Variants in TAF1B observed in about 807,000 individuals in gnomAD.
TAF1B encodes TATA-box binding protein associated factor, RNA polymerase I subunit B.
In TAF1B, 61 loss-of-function variants were observed where a neutral mutation model predicts 83.9. That is an observed-to-expected ratio of 0.73 (90% CI 0.59 to 0.90). TAF1B has a LOEUF of 0.90. Ranked by LOEUF, TAF1B falls within the 40% of genes least tolerant of loss-of-function variation. The probability of loss-of-function intolerance (pLI) is 0.00; values close to 1 mark genes in which losing one functional copy is unlikely to be tolerated. For synonymous variants in TAF1B, 221 were observed against 224.6 expected, an observed-to-expected ratio of 0.98 and a Z score of 0.14; for missense variants, 625 against 677.0, an observed-to-expected ratio of 0.92 and a Z score of 0.85.
At chr2:9,910,989 C>A in intron 10 of TAF1B, 76 bp downstream of exon 10, 1 of 1,346,516 alleles carries the variant, frequency 7.4e-7, no homozygotes, top group Non-Finnish European at 1.0e-6. Flanking sequence ...CTTTAAATGT[C>A]ATGAAGACAC....
chr2:9,851,531 T>C lies in TAF1B; in HGVS notation c.206-10T>C. 8 of 1,590,162 alleles carry C rather than the reference T, an allele frequency of 5.0e-6. No individual in the cohort carries two copies. Among genetic ancestry groups the C allele is most frequent in the Non-Finnish European group, 6.8e-6 (8 of 1,169,620 alleles). The stretch of plus-strand genomic sequence containing the variant: ...AATGTATATGCTAAAACATGCTATT[T>C]GTCATTTAGAAAAAGGCTGGGATTG... On this transcript the variant is annotated splice_polypyrimidine_tract_variant and intron_variant, in intron 3 of 14. Transcript: ENST00000263663.
chr2:9,862,748 G>A (rs941092669), intron 5 of TAF1B, among the ~76,000 whole-genome samples: 22 of 152,162 alleles, frequency 1.4e-4, no homozygotes, highest in Admixed American at 9.2e-4. Context: ...CTGATCTCTC[G>A]GCAGAAACTC....
Position 9,895,813 on chromosome 2 carries a change from C to CTT in TAF1B, c.808-9024_808-9023dup, listed in dbSNP as rs34044860. Reference sequence around the variant, plus strand: ...ATAAGTAAGGGTGAGGCACTGCACTCTTTTTTTTTTTTTTTTTTTTTTTAA... The same window carrying CTT: ...ATAAGTAAGGGTGAGGCACTGCACTCTTTTTTTTTTTTTTTTTTTTTTTTTAA... On this transcript the variant is annotated intron_variant, in intron 8 of 14. Coordinates refer to ENST00000263663, the MANE Select transcript of TAF1B (RefSeq NM_005680.3). 3.7e-3 allele frequency among the ~76,000 whole-genome samples: 417 copies of CTT among 112,374 alleles called. 10 individuals carry two copies. The highest frequency in any genetic ancestry group is 0.02 in the Admixed American group (208 of 10,302). The allele number at this position is 112,374 out of a possible 152,430, so 73.7% of individuals were successfully genotyped here.
At chr2:9,846,553 G>C (rs1244450456) in intron 2 of TAF1B, among the ~76,000 whole-genome samples, 2 of 152,228 alleles carry the variant, frequency 1.3e-5, no homozygotes, top group Non-Finnish European at 2.9e-5. Context: ...ACAGAGACCA[G>C]ACTTACCTTT....
intron 7 of TAF1B, among the ~76,000 whole-genome samples, chr2:9,880,472 A>G (rs1365604398): frequency 1.0e-5 from 1 of 97,860 alleles, no homozygotes; most frequent in East Asian, 3.0e-4. Flanking sequence ...ATACTTTTCT[A>G]AAAGGAGATT....
chr2:9,906,280 C>T (rs774188457), intron 9 of TAF1B, among the ~76,000 whole-genome samples: 2 of 152,122 alleles, frequency 1.3e-5, no homozygotes, highest in Non-Finnish European at 2.9e-5. Flanking sequence ...ATAGTTTAAC[C>T]ATATTTCTTG....
intron 8 of TAF1B, among the ~76,000 whole-genome samples, chr2:9,904,631 G>A (rs1291955869): frequency 1.3e-5 from 2 of 152,140 alleles, no homozygotes; most frequent in Non-Finnish European, 2.9e-5. Context: ...TGGCTTGAAT[G>A]GCAGCTCTGT....
At chr2:9,866,649 C>A (rs1170336099) in intron 5 of TAF1B, among the ~76,000 whole-genome samples, 2 of 152,098 alleles carry the variant, frequency 1.3e-5, no homozygotes, top group Non-Finnish European at 2.9e-5. Flanking sequence ...ATGGTTATTG[C>A]GGCACTATTC....
chr2:9,853,334 G>T (rs960691798), intron 4 of TAF1B, among the ~76,000 whole-genome samples: 9 of 152,264 alleles, frequency 5.9e-5, no homozygotes, highest in Admixed American at 5.2e-4. Flanking sequence ...TTAATGGCTG[G>T]GTAATCTTGG....
chr2:9,845,031 A>G (rs963386286), intron 1 of TAF1B, among the ~76,000 whole-genome samples, 189 bp from the exon 2 acceptor site: 1 of 151,838 alleles, frequency 6.6e-6, no homozygotes. Context: ...AATTTTCTCC[A>G]GTAGTTTAAT....
At chr2:9,849,551 T>G (rs1663318237) in intron 3 of TAF1B, 91 bp downstream of exon 3, 1 of 986,822 alleles carries the variant, frequency 1.0e-6, no homozygotes, top group African/African-American at 1.7e-5. Context: ...TTAAGTAGGT[T>G]CTAGAGAAAA....
intron 5 of TAF1B, among the ~76,000 whole-genome samples, chr2:9,861,989 A>T (rs528359863): frequency 6.6e-6 from 1 of 152,322 alleles, no homozygotes; most frequent in Non-Finnish European, 1.5e-5. Flanking sequence ...AACCACAAAG[A>T]TGGAGAAAAA....
chr2:9,907,408 G>A (rs1665378896), intron 9 of TAF1B, among the ~76,000 whole-genome samples: 1 of 152,076 alleles, frequency 6.6e-6, no homozygotes. Flanking sequence ...AGAGATCTAT[G>A]TATGTGGCAC....
At chr2:9,886,802 T>C (rs1457363078) in intron 8 of TAF1B, among the ~76,000 whole-genome samples, 1 of 152,156 alleles carries the variant, frequency 6.6e-6, no homozygotes, top group African/African-American at 2.4e-5. Context: ...CGCAGTGGCT[T>C]ACGCCTGTAA....
intron 11 of TAF1B, among the ~76,000 whole-genome samples, chr2:9,911,854 C>T (rs1051087069): frequency 2.6e-5 from 4 of 152,184 alleles, no homozygotes; most frequent in East Asian, 1.9e-4. Flanking sequence ...ACCATCCTGT[C>T]GATTCTGATG....
chr2:9,878,204 CA>C (rs1664382391), intron 7 of TAF1B, among the ~76,000 whole-genome samples: 1 of 151,014 alleles, frequency 6.6e-6, no homozygotes, highest in Admixed American at 6.6e-5. Flanking sequence ...ATAAGCCCTT[CA>C]GGGGATTCTT....
At chr2:9,902,957 C>T (rs1051446628) in intron 8 of TAF1B, among the ~76,000 whole-genome samples, 4 of 152,198 alleles carry the variant, frequency 2.6e-5, no homozygotes, top group African/African-American at 9.7e-5. Context: ...TCTCCTTTCT[C>T]GATTGTCAAC....
chr2:9,843,678 C>G (rs1338380397), intron 1 of TAF1B, 119 bp downstream of exon 1: 9 of 1,187,412 alleles, frequency 7.6e-6, no homozygotes, highest in Non-Finnish European at 1.0e-5. Context: ...TGGAGGAAGG[C>G]GGGGCGGAGG....
rs551436898 is a variant in TAF1B, at chr2:9,928,270, TGTA to T, written c.1566-5509_1566-5507del. 3.7e-3 allele frequency among the ~76,000 whole-genome samples: 569 copies of T among 152,324 alleles called. 5 individuals are homozygous for T. Among genetic ancestry groups the T allele is most frequent in the African/African-American group, 0.013 (531 of 41,562 alleles). On this transcript the variant is annotated intron_variant, in intron 14 of 14. Coordinates refer to ENST00000263663, the MANE Select transcript of TAF1B (RefSeq NM_005680.3). ...CATGCTGTTTTGGTTACTGTAGCCT[TGTA>T]GTATAATTTGAAGTCAGGTAGTGTA...
Sources: allele counts gnomAD v4.1 joint callset (sites outside exome capture counted in the v4.1 genomes callset), GRCh38; gene constraint gnomAD v4.1.1; transcripts MANE v1.5; gene names NCBI Gene and HGNC (gene_info 2026-07-23, HGNC 2026-07-21).